DISP1: variants seen among roughly 807,000 people sequenced by gnomAD.
DISP1 encodes the protein protein dispatched homolog 1.
In DISP1, 30 loss-of-function variants were observed where a neutral mutation model predicts 37.3. The observed-to-expected ratio is 0.80, with a 90% CI of 0.60 to 1.09. The LOEUF (loss-of-function observed/expected upper bound fraction) is 1.09. Ranked by LOEUF, DISP1 falls within the 50% of genes least tolerant of loss-of-function variation. The probability of loss-of-function intolerance (pLI) is 0.00; values close to 1 mark genes in which losing one functional copy is unlikely to be tolerated. For missense variants in DISP1, 1,598 were observed against 1,879.5 expected, an observed-to-expected ratio of 0.85 and a Z score of 2.77; for synonymous variants, 634 against 690.2, an observed-to-expected ratio of 0.92 and a Z score of 1.28.
chr1:222,859,963 G>C (rs934648225), intron 1 of DISP1, among the ~76,000 whole-genome samples: 3 of 152,214 alleles, frequency 2.0e-5, no homozygotes, highest in African/African-American at 7.2e-5. Context: ...TTGAGAAAAG[G>C]CATAGAAAAA....
intron 3 of DISP1, among the ~76,000 whole-genome samples, chr1:222,966,218 G>A (rs1162713211): frequency 1.3e-5 from 2 of 152,036 alleles, no homozygotes; most frequent in Non-Finnish European, 2.9e-5. Flanking sequence ...GATTCAGGTG[G>A]GAACTCAAAC....
rs1177044944 is a variant in DISP1 at position 223,003,893 on chromosome 1, A to G, written c.2496A>G (p.Gln832=). 2 of 1,614,150 alleles carry G rather than the reference A, an allele frequency of 1.2e-6. No individual in the cohort carries two copies. Among genetic ancestry groups the G allele is most frequent in the African/African-American group, 1.3e-5 (1 of 75,032 alleles). ...AGGCCTGGATTTTGCACTTCTGTCA[A>G]AAACTGAGAAACCAAACATTCTTTT... ...ASQAWILHFC[Q]KLRNQTFFYQ... The change falls in exon 9 of 9, where the codon CAA becomes CAG. Residue 832 remains glutamine, a synonymous_variant. Transcript: ENST00000675850. The surrounding 1 kb of genome is among the most constrained non-coding windows in gnomAD (Gnocchi z 4.3).
intron 1 of DISP1, among the ~76,000 whole-genome samples, chr1:222,857,077 C>T (rs17163528): frequency 0.18 from 27,376 of 151,972 alleles, 2,726 homozygotes; most frequent in Middle Eastern, 0.31. Context: ...TCTTCAAATC[C>T]GACCAGAATG....
chr1:222,884,701 C>T (rs1455525247), intron 1 of DISP1, among the ~76,000 whole-genome samples: 9 of 152,304 alleles, frequency 5.9e-5, no homozygotes, highest in African/African-American at 2.2e-4. Context: ...GTTAAGGTGT[C>T]TGCCCAGTTT....
chr1:222,826,354 G>T, intron 1 of DISP1, among the ~76,000 whole-genome samples: 2 of 145,452 alleles, frequency 1.4e-5, no homozygotes, highest in African/African-American at 2.5e-5. Flanking sequence ...TTGCAGATTT[G>T]TAGTCTCCTT....
intron 1 of DISP1, among the ~76,000 whole-genome samples, chr1:222,909,133 G>A (rs911060503): frequency 6.6e-5 from 10 of 151,940 alleles, no homozygotes; most frequent in Admixed American, 5.9e-4. Context: ...TAATTGTATC[G>A]AATTATATCT....
At chr1:222,978,332 G>C (rs1677554866) in intron 3 of DISP1, among the ~76,000 whole-genome samples, 1 of 152,132 alleles carries the variant, frequency 6.6e-6, no homozygotes, top group African/African-American at 2.4e-5. Flanking sequence ...TTTGAGAAGT[G>C]TCTGTTCATA....
chr1:222,976,061 A>G (rs910025012), intron 3 of DISP1, among the ~76,000 whole-genome samples: 1 of 152,138 alleles, frequency 6.6e-6, no homozygotes, highest in Admixed American at 6.5e-5. Flanking sequence ...CTAATCAAAG[A>G]ACAGAAAAAT....
In DISP1 at chr1:222,846,890, G is replaced by A. The variant is rs149512119; in HGVS notation, c.-159+31812G>A. The stretch of plus-strand genomic sequence containing the variant: ...TAATTCACTGCGACTAATTTTTTAT[G>A]TTATTGCATAGTTTCCGTTGTGATA... On this transcript the variant is annotated intron_variant, in intron 1 of 8. Transcript: ENST00000675850. Among the ~76,000 whole-genome samples, 629 of 152,254 alleles carry A rather than the reference G, an allele frequency of 4.1e-3. 14 individuals are homozygous for A. Among genetic ancestry groups the A allele is most frequent in the Admixed American group, 0.019 (284 of 15,296 alleles).
chr1:222,991,898 C>T, intron 6 of DISP1, 115 bp from the exon 7 acceptor site: 1 of 895,310 alleles, frequency 1.1e-6, no homozygotes. Flanking sequence ...ATCCTTTCAA[C>T]TTAATATCAA....
rs138305944 is a variant in DISP1 at position 223,005,358 on chromosome 1, G to T, written c.3961G>T (p.Ala1321Ser). ...GVAPLKATHQ[A>S]VEGFVHPITH... is the part of the protein sequence containing the mutation. ...GGCACCTCTGAAGGCCACACACCAA[G>T]CTGTCGAGGGCTTTGTGCACCCCAT... The change falls in exon 9 of 9, where the codon GCT (alanine) becomes TCT (serine). Residue 1321 changes from alanine to serine, a missense_variant. Physicochemically the swap from Ala to Ser is moderately conservative, Grantham distance 99. Coordinates refer to ENST00000675850, the MANE Select transcript of DISP1 (RefSeq NM_001377229.1). 6.2e-7 allele frequency: 1 copy of T among 1,613,520 alleles called. No homozygotes were observed. The highest frequency in any genetic ancestry group is 8.5e-7 in the Non-Finnish European group (1 of 1,180,030).
At chr1:222,965,929 TGAGGAGG>T (rs1434999494) in intron 3 of DISP1, among the ~76,000 whole-genome samples, 3 of 152,010 alleles carry the variant, frequency 2.0e-5, no homozygotes, top group African/African-American at 7.2e-5. Flanking sequence ...CTTGGGAGGC[TGAGGAGG>T]GAGGGAGGAT....
chr1:222,989,289 A>T, intron 4 of DISP1: 2 of 822,150 alleles, frequency 2.4e-6, no homozygotes, highest in Non-Finnish European at 2.9e-6. Context: ...ATGAGCTAAC[A>T]TTACTGAGAA....
chr1:223,002,887 A>G lies in DISP1; in HGVS notation c.1490A>G (p.Gln497Arg), dbSNP rs1242366606. ...IEFGIKHSLF[Q>R]DYLLMDTVYP... ...TTTGGTATCAAACACAGTTTGTTTC[A>G]GGATTATCTTCTAATGGATACTGTG... The change falls in exon 9 of 9, where the codon CAG becomes CGG. Residue 497 changes from glutamine (Q) to arginine (R), a missense_variant. Physicochemically the swap from Gln to Arg is conservative, Grantham distance 43 (BLOSUM62 1). Transcript: ENST00000675850. 2 of 1,613,852 alleles carry G rather than the reference A, an allele frequency of 1.2e-6. No individual in the cohort carries two copies. Among genetic ancestry groups the G allele is most frequent in the Non-Finnish European group, 1.7e-6 (2 of 1,180,038 alleles).
chr1:222,818,396 G>A (rs1164901055), intron 1 of DISP1, among the ~76,000 whole-genome samples: 1 of 152,068 alleles, frequency 6.6e-6, no homozygotes, highest in East Asian at 1.9e-4. Flanking sequence ...ATGACCTGGT[G>A]GAGCCTCCCA....
intron 1 of DISP1, among the ~76,000 whole-genome samples, chr1:222,819,681 C>T (rs1468814897): frequency 6.6e-6 from 1 of 151,716 alleles, no homozygotes; most frequent in African/African-American, 2.4e-5. Flanking sequence ...GCTGAGATTA[C>T]AGGCACCCGC....
intron 1 of DISP1, chr1:222,823,811 T>C (rs897715365): frequency 6.6e-6 from 1 of 150,720 alleles, no homozygotes; most frequent in Non-Finnish European, 1.5e-5. Flanking sequence ...CGTTGTTGCT[T>C]CAGATTTCTT....
chr1:222,827,865 T>C (rs1314009027), intron 1 of DISP1, among the ~76,000 whole-genome samples: 1 of 152,104 alleles, frequency 6.6e-6, no homozygotes, highest in East Asian at 1.9e-4. Context: ...TAATCCTGAA[T>C]AAGGAAGGAA....
At chr1:222,844,758 C>G (rs1466294650) in intron 1 of DISP1, among the ~76,000 whole-genome samples, 1 of 152,084 alleles carries the variant, frequency 6.6e-6, no homozygotes, top group Non-Finnish European at 1.5e-5. Flanking sequence ...GACAAGGAAA[C>G]AGAATGGAAC....
Sources: allele counts gnomAD v4.1 joint callset (sites outside exome capture counted in the v4.1 genomes callset), GRCh38; gene constraint gnomAD v4.1.1; non-coding constraint Gnocchi (gnomAD v3.1); transcripts MANE v1.5; gene names NCBI Gene and HGNC (gene_info 2026-07-23, HGNC 2026-07-21).